Variants in DDX60L observed in about 807,000 individuals in gnomAD.
DDX60L encodes the protein probable ATP-dependent RNA helicase DDX60-like.
A neutral mutation model predicts 211.6 loss-of-function variants in DDX60L; 191 were observed. That is an observed-to-expected ratio of 0.90 (90% CI 0.80 to 1.02). DDX60L has a LOEUF of 1.02. Among genes scored for constraint, DDX60L ranks in the 50% least tolerant of loss-of-function variants. The probability of loss-of-function intolerance (pLI) is 0.00; values close to 1 mark genes in which losing one functional copy is unlikely to be tolerated. For missense variants in DDX60L, 2,007 were observed against 1,984.1 expected (o/e 1.01, Z -0.22); for synonymous variants, 706 against 694.1 (o/e 1.02, Z -0.27).
intron 33 of DDX60L, among the ~76,000 whole-genome samples, chr4:168,375,971 A>G (rs1424030453): frequency 6.6e-6 from 1 of 152,204 alleles, no homozygotes; most frequent in African/African-American, 2.4e-5. Flanking sequence ...CCTATGCAGT[A>G]AACATTTTCA....
intron 15 of DDX60L, 53 bp downstream of exon 15, chr4:168,423,555 C>T: frequency 8.3e-7 from 1 of 1,198,728 alleles, no homozygotes; most frequent in South Asian, 1.4e-5. Flanking sequence ...AGTTATTCTT[C>T]CATATTAAAA....
At chr4:168,472,107 C>T (rs1030839287) in intron 3 of DDX60L, among the ~76,000 whole-genome samples, 171 bp from the exon 4 acceptor site, 1 of 152,082 alleles carries the variant, frequency 6.6e-6, no homozygotes, top group African/African-American at 2.4e-5. Context: ...AAGGAGATAG[C>T]ACAATTACTA....
intron 18 of DDX60L, among the ~76,000 whole-genome samples, 176 bp downstream of exon 18, chr4:168,420,085 G>A (rs1397296613): frequency 6.6e-6 from 1 of 152,104 alleles, no homozygotes; most frequent in East Asian, 1.9e-4. Flanking sequence ...GGTGAGCCTA[G>A]TTCTTACTTT....
intron 6 of DDX60L, among the ~76,000 whole-genome samples, chr4:168,456,949 A>G (rs1756649796): frequency 6.6e-6 from 1 of 152,126 alleles, no homozygotes; most frequent in South Asian, 2.1e-4. Context: ...GGTGGCTCAC[A>G]GCTATAATCC....
chr4:168,407,137 A>C (rs1747882158), intron 22 of DDX60L, among the ~76,000 whole-genome samples: 1 of 152,172 alleles, frequency 6.6e-6, no homozygotes, highest in Admixed American at 6.5e-5. Flanking sequence ...AGTGATGAAG[A>C]TGATTTTATG....
rs114122874 is a variant in DDX60L, at chr4:168,362,059, G to A, written c.4929-848C>T. On this transcript the variant is annotated intron_variant, in intron 36 of 37. Transcript: ENST00000682922. ...CAGCAAGAAAACCACTGAACAGGTG[G>A]CCAGGCCACTGCACCAGTGCATACT... Among the ~76,000 whole-genome samples, 1,239 of 152,344 alleles carry A rather than the reference G, an allele frequency of 8.1e-3. 16 individuals are homozygous for A. The highest frequency in any genetic ancestry group is 0.028 in the African/African-American group (1,160 of 41,572).
intron 4 of DDX60L, among the ~76,000 whole-genome samples, chr4:168,466,423 A>G (rs957800163): frequency 3.3e-5 from 5 of 152,354 alleles, no homozygotes; most frequent in African/African-American, 9.6e-5. Flanking sequence ...AGATGATATT[A>G]TGGCTTTCAC....
chr4:168,458,743 C>T (rs890972821), intron 5 of DDX60L, among the ~76,000 whole-genome samples: 2 of 152,278 alleles, frequency 1.3e-5, no homozygotes, highest in African/African-American at 4.8e-5. Context: ...CAGCAAACCA[C>T]CATGGCACAC....
chr4:168,393,269 G>A (rs1745174247), intron 28 of DDX60L, among the ~76,000 whole-genome samples: 1 of 152,186 alleles, frequency 6.6e-6, no homozygotes, highest in Non-Finnish European at 1.5e-5. Flanking sequence ...GCTGAGGTGG[G>A]CTGATTACCT....
intron 30 of DDX60L, chr4:168,380,481 C>T (rs550214177): frequency 6.6e-6 from 1 of 152,484 alleles, no homozygotes; most frequent in East Asian, 1.9e-4. Context: ...ACACGGCCTA[C>T]TTCTGCTTCA....
chr4:168,420,023 T>C (rs1561031542), intron 18 of DDX60L, among the ~76,000 whole-genome samples: 1 of 152,222 alleles, frequency 6.6e-6, no homozygotes, highest in Non-Finnish European at 1.5e-5. Context: ...TAATGAAATA[T>C]CATAACTTTC....
chr4:168,479,981 CAAAAAA>C lies in DDX60L; in HGVS notation c.-111+390_-111+395del, dbSNP rs60737462. The stretch of plus-strand genomic sequence containing the variant: ...CCTGGGCGACAGAGCGAGACTGACT[CAAAAAA>C]AAAAAAAAAAAAAAAGCTTAAATAC... On this transcript the variant is annotated intron_variant, in intron 1 of 37. Transcript: ENST00000682922. 4.7e-4 allele frequency among the ~76,000 whole-genome samples: 47 copies of C among 100,858 alleles called. 1 individual carries two copies. Among genetic ancestry groups the C allele is most frequent in the East Asian group, 1.6e-3 (5 of 3,190 alleles). The allele number at this position is 100,858 out of a possible 152,430, so 66.2% of individuals were successfully genotyped here.
At chr4:168,379,569 G>A (rs1408929191) in intron 31 of DDX60L, 65 bp from the exon 32 acceptor site, 13 of 1,289,654 alleles carry the variant, frequency 1.0e-5, no homozygotes, top group Non-Finnish European at 1.4e-5. Context: ...AAATACCAGT[G>A]TGAGTGACTG....
Position 168,453,220 on chromosome 4 carries a change from A to G in DDX60L, c.900T>C (p.Cys300=). The change falls in exon 8 of 38, where the codon TGT becomes TGC. Residue 300 remains cysteine, a synonymous_variant. Transcript: ENST00000682922. The part of the protein sequence containing the change: ...VEDFCRLRCL[C]VAFQLHLPLS... The stretch of plus-strand genomic sequence containing the variant: ...GGGGTAAGTGGAGTTGAAAAGCCAC[A>G]CAGAGGCAACGCAGTCTGCAGAAAT... The G allele has an allele frequency of 1.2e-6, 2 of 1,613,468 alleles. No individual in the cohort carries two copies. The highest frequency in any genetic ancestry group is 1.7e-6 in the Non-Finnish European group (2 of 1,179,584).
chr4:168,460,747 G>T (rs1257432289), intron 5 of DDX60L, among the ~76,000 whole-genome samples: 1 of 152,186 alleles, frequency 6.6e-6, no homozygotes, highest in African/African-American at 2.4e-5. Context: ...GCCGCACAGG[G>T]TAAGGACTCA....
chr4:168,358,126 A>G lies in DDX60L; in HGVS notation c.*21T>C, dbSNP rs201891883. On this transcript the variant is annotated 3_prime_UTR_variant, in exon 38 of 38. Transcript: ENST00000682922. ...AAAGGGATAAATACCACATAATCAG[A>G]CTTGAAAGTTTTCCATGGTGTTATT... 5.7e-4 allele frequency: 904 copies of G among 1,599,104 alleles called. 1 individual carries two copies. Among genetic ancestry groups the G allele is most frequent in the Non-Finnish European group, 7.1e-4 (833 of 1,170,516 alleles).
At chr4:168,382,764 C>T (rs1743184985) in intron 30 of DDX60L, among the ~76,000 whole-genome samples, 1 of 152,128 alleles carries the variant, frequency 6.6e-6, no homozygotes, top group South Asian at 2.1e-4. Context: ...TACTTGACTT[C>T]CTTTATAAAG....
intron 29 of DDX60L, chr4:168,390,639 GT>G (rs34009039): frequency 2.2e-4 from 99 of 447,894 alleles, no homozygotes; most frequent in Middle Eastern, 7.1e-4. Context: ...ATTATTGTCA[GT>G]TTTTTTTTTA....
intron 4 of DDX60L, among the ~76,000 whole-genome samples, chr4:168,462,449 T>G (rs951703391): frequency 6.6e-6 from 1 of 151,994 alleles, no homozygotes; most frequent in Non-Finnish European, 1.5e-5. Context: ...AATTTCTATT[T>G]TTCAAATTTA....
Sources: gnomAD v4.1 joint callset for allele counts (sites outside exome capture counted in the v4.1 genomes callset) on GRCh38, gnomAD v4.1.1 for gene constraint, MANE v1.5 for transcripts, NCBI Gene and HGNC (gene_info 2026-07-23, HGNC 2026-07-21) for gene names.